Variants in ABR observed in about 807,000 individuals in gnomAD.
The protein encoded by ABR is active breakpoint cluster region-related protein.
A neutral mutation model predicts 107.2 loss-of-function variants in ABR; 35 were observed. That is an observed-to-expected ratio of 0.33 (90% CI 0.25 to 0.43). The LOEUF is 0.43. Ranked by LOEUF, ABR falls within the 20% of genes least tolerant of loss-of-function variation. The pLI is 1.00. For synonymous variants in ABR, 498 were observed against 462.0 expected, an observed-to-expected ratio of 1.08 and a Z score of -1.00; for missense variants, 815 against 1,115.2, an observed-to-expected ratio of 0.73 and a Z score of 3.83.
intron 1 of ABR, among the ~76,000 whole-genome samples, chr17:1,136,890 G>A (rs1227818800): frequency 6.6e-6 from 1 of 152,134 alleles, no homozygotes; most frequent in Admixed American, 6.6e-5. Flanking sequence ...GAAGCACTTT[G>A]AATTTCCTTA....
intron 1 of ABR, among the ~76,000 whole-genome samples, chr17:1,162,350 G>C (rs1459131140): frequency 6.6e-6 from 1 of 152,182 alleles, no homozygotes; most frequent in Non-Finnish European, 1.5e-5. Context: ...GCTGCACCTA[G>C]ACACAGCCTG....
At chr17:1,109,160 G>A (rs1203409461) in intron 2 of ABR, 33 of 1,106,168 alleles carry the variant, frequency 3.0e-5, no homozygotes, top group Non-Finnish European at 4.0e-5. Flanking sequence ...CGGGAGGGGG[G>A]GCAGGTCTAC....
intron 1 of ABR, among the ~76,000 whole-genome samples, chr17:1,220,269 C>T (rs921267085): frequency 1.3e-5 from 2 of 149,730 alleles, no homozygotes; most frequent in African/African-American, 2.5e-5. Flanking sequence ...CCAGCCTGGG[C>T]GACAGAGCGA....
chr17:1,031,775 GGC>G, intron 16 of ABR: 1 of 1,230,516 alleles, frequency 8.1e-7, no homozygotes, highest in Non-Finnish European at 1.0e-6. Context: ...CTGGAGAGAA[GGC>G]GCCTGTGGAG....
At chr17:1,221,138 G>A (rs536023691) in intron 1 of ABR, among the ~76,000 whole-genome samples, 2 of 152,198 alleles carry the variant, frequency 1.3e-5, no homozygotes, top group Admixed American at 6.5e-5. Context: ...AGCTGCCTAC[G>A]CAATATCAAT....
intron 1 of ABR, among the ~76,000 whole-genome samples, chr17:1,174,575 A>C (rs1286201095): frequency 1.3e-5 from 2 of 152,254 alleles, no homozygotes; most frequent in East Asian, 3.8e-4. Context: ...TATAAAGGGC[A>C]TGAAAATATC....
chr17:1,198,745 C>T (rs2042615967), intron 1 of ABR, among the ~76,000 whole-genome samples: 3 of 150,402 alleles, frequency 2.0e-5, no homozygotes, highest in South Asian at 4.2e-4. Context: ...ACGCCATTCT[C>T]CTGCCTCAGC....
In ABR at chr17:1,056,072, G is replaced by A; in HGVS notation, c.1524C>T (p.Val508=). Residue 508 remains valine, a synonymous_variant, in exon 14 of 23, where the codon GTC becomes GTT. Coordinates refer to ENST00000302538, the MANE Select transcript of ABR (RefSeq NM_021962.5). ...ESPGLYGFLH[V]IVHSAKGFKQ... ...TAAATCCCTTGGCAGAGTGGACGAT[G>A]ACATGAAGGAAGCCATAGAGTCCTG... The A allele has an allele frequency of 1.2e-6, 2 of 1,614,222 alleles. No individual in the cohort carries two copies. Among genetic ancestry groups the A allele is most frequent in the Non-Finnish European group, 1.7e-6 (2 of 1,180,034 alleles).
intron 16 of ABR, among the ~76,000 whole-genome samples, chr17:1,018,334 G>A (rs559215448): frequency 1.7e-3 from 256 of 152,336 alleles, no homozygotes; most frequent in Admixed American, 4.0e-3. Context: ...GAGCCACCAC[G>A]CCTGGCCCGG....
In ABR at chr17:1,059,014, G is replaced by A. The variant is rs971071230; in HGVS notation, c.1183-147C>T. The stretch of plus-strand genomic sequence containing the variant: ...TTTGACATCTTGTGGCAGGAGAGGC[G>A]GGTAGCTGGGTGAGAAACTGCTCCC... On this transcript the variant is annotated intron_variant, in intron 10 of 22. Transcript: ENST00000302538. 1.1e-4 allele frequency: 128 copies of A among 1,210,022 alleles called. 1 individual carries two copies. Among genetic ancestry groups the A allele is most frequent in the Middle Eastern group, 3.9e-4 (2 of 5,098 alleles). 75.0% of individuals were successfully genotyped at this position (1,210,022 alleles called of 1,614,324 possible). A position where few individuals can be genotyped will look rare whatever the true frequency, so the allele number is the denominator to read the frequency against.
rs1004827673 is a variant in ABR, at chr17:1,050,704, G to A, written c.1562-70C>T. On this transcript the variant is annotated intron_variant, in intron 14 of 22. Coordinates refer to ENST00000302538, the MANE Select transcript of ABR (RefSeq NM_021962.5). This position sits in a 1 kb window ranked among gnomAD's most constrained non-coding sequence, Gnocchi z 4.6. ...GGTGGGGCAGCTGGGGCGGCACTCA[G>A]GATGGAGGGGGACATCGCATCTGTC... is the stretch of plus-strand genomic sequence containing the variant. The A allele has an allele frequency of 4.2e-6, 5 of 1,200,972 alleles. No homozygotes were observed. The highest frequency in any genetic ancestry group is 3.7e-6 in the Non-Finnish European group (3 of 807,460). The allele number at this position is 1,200,972 out of a possible 1,614,324, so 74.4% of individuals were successfully genotyped here.
intron 5 of ABR, among the ~76,000 whole-genome samples, chr17:1,083,051 G>T (rs1043275235): frequency 1.3e-5 from 2 of 151,380 alleles, no homozygotes; most frequent in South Asian, 4.2e-4. Context: ...TTGAACCCAG[G>T]GGGTAGAGGT....
At position 1,033,061 on chromosome 17, in the gene ABR, C is replaced by G. The variant is rs2072930739; in HGVS notation, c.1791+16989G>C. Among the ~76,000 whole-genome samples the G allele has an allele frequency of 1.3e-5, 2 of 152,178 alleles. 1 individual carries two copies. The highest frequency in any genetic ancestry group is 4.1e-4 in the South Asian group (2 of 4,832). Reference sequence around the variant, plus strand: ...GCCAAGTGAGGATGGGGAGGTCCCTCCAAAGCCCTTGGTGCTCACAAGCAC... The same window carrying G: ...GCCAAGTGAGGATGGGGAGGTCCCTGCAAAGCCCTTGGTGCTCACAAGCAC... On this transcript the variant is annotated intron_variant, in intron 16 of 22. Coordinates refer to ENST00000302538, the MANE Select transcript of ABR (RefSeq NM_021962.5).
At chr17:1,176,869 C>CAAAAA (rs67373798) in intron 1 of ABR, among the ~76,000 whole-genome samples, 1 of 139,168 alleles carries the variant, frequency 7.2e-6, no homozygotes, top group East Asian at 2.0e-4. Context: ...AAACAAAAAA[C>CAAAAA]AAAAAAAAAA....
intron 16 of ABR, among the ~76,000 whole-genome samples, chr17:1,022,802 G>C (rs1005994626): frequency 6.6e-6 from 1 of 152,238 alleles, no homozygotes. Flanking sequence ...AGATAGGCTC[G>C]GGCTGATGCC....
intron 1 of ABR, among the ~76,000 whole-genome samples, chr17:1,205,576 C>A (rs991628650): frequency 3.3e-5 from 5 of 152,154 alleles, no homozygotes; most frequent in African/African-American, 1.2e-4. Flanking sequence ...TTTGGGAGGC[C>A]AAGGCAGGAG....
intron 2 of ABR, among the ~76,000 whole-genome samples, chr17:1,119,488 G>C (rs536340817): frequency 7.5e-5 from 6 of 80,154 alleles, no homozygotes; most frequent in Admixed American, 1.2e-4. Flanking sequence ...CTGAGCCTGA[G>C]TTCCTCCCAG....
In ABR at chr17:1,169,677, C is replaced by A. The variant is rs568258444; in HGVS notation, c.61+9990G>T. On this transcript the variant is annotated intron_variant, in intron 1 of 22. Transcript: ENST00000302538. ...TGCCCCGTCATTAACATGCTGCGCG[C>A]GGGAGAGTTCAAACACAGCAGCTGG... Among the ~76,000 whole-genome samples the A allele has an allele frequency of 2.0e-5, 3 of 152,272 alleles. No individual in the cohort carries two copies. In the East Asian group the frequency reaches 5.8e-4, roughly 29 times the overall value.
intron 10 of ABR, among the ~76,000 whole-genome samples, chr17:1,061,605 G>A (rs2033935719): frequency 6.6e-6 from 1 of 151,998 alleles, no homozygotes; most frequent in Non-Finnish European, 1.5e-5. Context: ...GGAGTGCAGT[G>A]GCGTGATCTC....
Sources: gnomAD v4.1 joint callset for allele counts (sites outside exome capture counted in the v4.1 genomes callset) on GRCh38, gnomAD v4.1.1 for gene constraint, Gnocchi (gnomAD v3.1) non-coding constraint, MANE v1.5 for transcripts, NCBI Gene and HGNC (gene_info 2026-07-23, HGNC 2026-07-21) for gene names.